Variants in JCAD observed in about 807,000 individuals in gnomAD.
JCAD encodes the protein junctional cadherin 5-associated protein.
A neutral mutation model predicts 98.0 loss-of-function variants in JCAD; 40 were observed. The ratio of observed to expected loss-of-function variants is 0.41; its 90% confidence interval spans 0.32 to 0.53. JCAD has a LOEUF of 0.53. JCAD is among the 20% of genes least tolerant of loss of function. The probability of loss-of-function intolerance (pLI) is 0.31; values close to 1 mark genes in which losing one functional copy is unlikely to be tolerated. For synonymous variants in JCAD, 691 were observed against 682.3 expected, an observed-to-expected ratio of 1.01 and a Z score of -0.20; for missense variants, 1,705 against 1,738.1, an observed-to-expected ratio of 0.98 and a Z score of 0.34.
chr10:30,040,912 C>G (rs1175029079), intron 2 of JCAD, among the ~76,000 whole-genome samples: 4 of 152,182 alleles, frequency 2.6e-5, no homozygotes, highest in African/African-American at 9.7e-5. Context: ...TCTTAGCTCT[C>G]AGACTCATCC....
chr10:30,019,983 T>G (rs1836624641), intron 3 of JCAD, among the ~76,000 whole-genome samples: 1 of 145,174 alleles, frequency 6.9e-6, no homozygotes, highest in Admixed American at 6.8e-5. Context: ...AAAAAGGTGA[T>G]TCACTTAAAA....
At chr10:30,049,808 A>T (rs1478469894) in intron 1 of JCAD, among the ~76,000 whole-genome samples, 1 of 152,200 alleles carries the variant, frequency 6.6e-6, no homozygotes, top group African/African-American at 2.4e-5. Flanking sequence ...GCTTTAGGGC[A>T]GGGTCTTTGG....
intron 1 of JCAD, among the ~76,000 whole-genome samples, chr10:30,087,324 A>C (rs1038976924): frequency 1.3e-5 from 2 of 152,156 alleles, no homozygotes; most frequent in African/African-American, 4.8e-5. Context: ...CTGTAATCCC[A>C]CCTACTCAGG....
chr10:30,081,447 T>C (rs1838083030), intron 1 of JCAD, among the ~76,000 whole-genome samples: 1 of 152,124 alleles, frequency 6.6e-6, no homozygotes, highest in Admixed American at 6.5e-5. Context: ...TTTTATTTTA[T>C]TTTTGAGATA....
At chr10:30,048,992 T>G (rs1837413560) in intron 1 of JCAD, among the ~76,000 whole-genome samples, 1 of 152,154 alleles carries the variant, frequency 6.6e-6, no homozygotes, top group Non-Finnish European at 1.5e-5. Context: ...CAGCAGCAAC[T>G]TCCTCCAGTG....
intron 1 of JCAD, among the ~76,000 whole-genome samples, chr10:30,092,500 G>A (rs1188982938): frequency 1.3e-5 from 2 of 152,104 alleles, no homozygotes; most frequent in East Asian, 3.9e-4. Flanking sequence ...CCAATGCGTT[G>A]TTTTTAGTTT....
intron 2 of JCAD, among the ~76,000 whole-genome samples, chr10:30,035,841 G>A (rs1837097439): frequency 6.6e-6 from 1 of 152,100 alleles, no homozygotes; most frequent in Non-Finnish European, 1.5e-5. Context: ...GGACAAGCAG[G>A]GTCTTTACAC....
chr10:30,061,399 G>A (rs1032111478), upstream of JCAD, among the ~76,000 whole-genome samples: 37 of 152,068 alleles, frequency 2.4e-4, no homozygotes, highest in African/African-American at 8.5e-4. Context: ...AGAATTAGCC[G>A]GGCGTGGTGG....
At chr10:30,099,378 C>G (rs972685787) in intron 1 of JCAD, among the ~76,000 whole-genome samples, 1 of 152,232 alleles carries the variant, frequency 6.6e-6, no homozygotes, top group Non-Finnish European at 1.5e-5. Context: ...ATGCCTCAGA[C>G]TTTGTTTTCT....
At chr10:30,103,888 C>T (rs776305196) in intron 1 of JCAD, among the ~76,000 whole-genome samples, 14 of 151,990 alleles carry the variant, frequency 9.2e-5, no homozygotes, top group East Asian at 1.9e-4. Context: ...TGCACCATCA[C>T]GCTTGGCTAA....
chr10:30,104,724 TA>T (rs1170268445), intron 1 of JCAD, among the ~76,000 whole-genome samples: 2 of 152,124 alleles, frequency 1.3e-5, no homozygotes, highest in African/African-American at 4.8e-5. Flanking sequence ...GAATCTAAAA[TA>T]AAAAAAGTTG....
chr10:30,090,609 A>C (rs2132694628), intron 1 of JCAD, among the ~76,000 whole-genome samples: 1 of 152,058 alleles, frequency 6.6e-6, no homozygotes. Context: ...AAATGTGAAC[A>C]TTCGACTTCT....
chr10:30,036,215 G>A (rs980106242), intron 2 of JCAD, among the ~76,000 whole-genome samples: 11 of 152,152 alleles, frequency 7.2e-5, no homozygotes, highest in African/African-American at 7.2e-5. Flanking sequence ...AGGCTGAGGC[G>A]GACGGATCAC....
chr10:30,102,034 C>T (rs1838480203), intron 1 of JCAD, among the ~76,000 whole-genome samples: 1 of 152,184 alleles, frequency 6.6e-6, no homozygotes, highest in Admixed American at 6.5e-5. Flanking sequence ...GTACTCTACC[C>T]TTCAGACCAC....
chr10:30,028,962 C>T lies in JCAD; in HGVS notation c.1186G>A (p.Glu396Lys), dbSNP rs762888651. 5 of 1,614,114 alleles carry T rather than the reference C, an allele frequency of 3.1e-6. No homozygotes were observed. Among genetic ancestry groups the T allele is most frequent in the Admixed American group, 1.7e-5 (1 of 60,024 alleles). Residue 396 changes from glutamate to lysine, a missense_variant, in exon 3 of 4, where the codon GAG becomes AAG. Physicochemically the swap from Glu to Lys is moderately conservative, Grantham distance 56 (BLOSUM62 1). Coordinates refer to ENST00000375377, the MANE Select transcript of JCAD (RefSeq NM_020848.4). ...PPSGPPGTGN[E>K]YGVSPRLPQG... is the part of the protein sequence containing the mutation. ...GGCAAGCGGGGGCTCACACCATACTCATTCCCAGTTCCAGGGGGGCCTGAA... is the reference window on the plus strand; with the variant it reads ...GGCAAGCGGGGGCTCACACCATACTTATTCCCAGTTCCAGGGGGGCCTGAA...
At chr10:30,039,679 C>A (rs538996733) in intron 2 of JCAD, among the ~76,000 whole-genome samples, 11 of 152,256 alleles carry the variant, frequency 7.2e-5, no homozygotes, top group Non-Finnish European at 1.3e-4. Context: ...GCTCGGGGCA[C>A]GTGCAGAGGG....
At chr10:30,032,383 T>C (rs1837021319) in intron 2 of JCAD, among the ~76,000 whole-genome samples, 1 of 152,168 alleles carries the variant, frequency 6.6e-6, no homozygotes, top group Non-Finnish European at 1.5e-5. Context: ...ATCACAGTTC[T>C]AATGCAACCA....
chr10:30,107,976 G>A (rs1483788100), intron 1 of JCAD, among the ~76,000 whole-genome samples: 1 of 152,104 alleles, frequency 6.6e-6, no homozygotes, highest in Admixed American at 6.6e-5. Flanking sequence ...GGATACCTTA[G>A]TCAGTAGGTT....
At chr10:30,062,499 A>C (rs1837715091), upstream of JCAD, among the ~76,000 whole-genome samples, 1 of 152,190 alleles carries the variant, frequency 6.6e-6, no homozygotes, top group Non-Finnish European at 1.5e-5. Context: ...TTTTCTAAAG[A>C]TCTGGGAATA....
Sources: allele counts gnomAD v4.1 joint callset (sites outside exome capture counted in the v4.1 genomes callset), GRCh38; gene constraint gnomAD v4.1.1; transcripts MANE v1.5; gene names NCBI Gene and HGNC (gene_info 2026-07-23, HGNC 2026-07-21).